Variants in AFF3 observed in about 807,000 individuals in gnomAD.
The protein encoded by AFF3 is AF4/FMR2 family member 3.
AFF3 carries 32 observed loss-of-function variants against 129.7 expected under a neutral mutation model. The ratio of observed to expected loss-of-function variants is 0.25; its 90% CI spans 0.19 to 0.33. The LOEUF (loss-of-function observed/expected upper bound fraction) is 0.33, where lower values mean the gene tolerates loss of function less well. AFF3 is among the 10% of genes least tolerant of loss of function. The probability of loss-of-function intolerance (pLI) is 1.00; values close to 1 mark genes in which losing one functional copy is unlikely to be tolerated. For synonymous variants in AFF3, 644 were observed against 635.4 expected (o/e 1.01, Z -0.20); for missense variants, 1,373 against 1,592.0 (o/e 0.86, Z 2.34).
At chr2:99,860,753 G>C (rs944641840) in intron 7 of AFF3, among the ~76,000 whole-genome samples, 11 of 151,852 alleles carry the variant, frequency 7.2e-5, no homozygotes, top group African/African-American at 2.4e-4. Flanking sequence ...TAAATTGACA[G>C]ATAAAAGTAG....
chr2:100,029,142 C>A (rs1368130283), intron 4 of AFF3, among the ~76,000 whole-genome samples: 1 of 152,180 alleles, frequency 6.6e-6, no homozygotes, highest in Non-Finnish European at 1.5e-5. Context: ...TATGTCCCCT[C>A]AAAAGCCATA....
chr2:100,056,063 TCACA>T lies in AFF3; in HGVS notation c.54-47135_54-47132del, dbSNP rs369771394. Among the ~76,000 whole-genome samples, 248 of 120,556 alleles carry T rather than the reference TCACA, an allele frequency of 2.1e-3. 2 individuals are homozygous for T. Among genetic ancestry groups the T allele is most frequent in the East Asian group, 0.011 (44 of 4,146 alleles). The allele number at this position is 120,556 out of a possible 152,430, so 79.1% of individuals were successfully genotyped here. ...AAAAAAAAAAATCGCTGTCTCTCTC[TCACA>T]CACACACACACACACACACACACAC... On this transcript the variant is annotated intron_variant, in intron 4 of 24. Coordinates refer to ENST00000672756, the MANE Select transcript of AFF3 (RefSeq NM_001386135.1).
At chr2:99,812,034 G>A (rs532786277) in intron 8 of AFF3, among the ~76,000 whole-genome samples, 3 of 152,334 alleles carry the variant, frequency 2.0e-5, no homozygotes, top group Non-Finnish European at 4.4e-5. Flanking sequence ...GGCCAGAAAT[G>A]TGCTCATTCT....
At chr2:99,660,291 T>C (rs1162875437) in intron 12 of AFF3, among the ~76,000 whole-genome samples, 2 of 152,260 alleles carry the variant, frequency 1.3e-5, no homozygotes, top group African/African-American at 2.4e-5. Flanking sequence ...AATGTTTTGG[T>C]ATTTTTGTTA....
intron 8 of AFF3, among the ~76,000 whole-genome samples, chr2:99,802,649 T>A (rs898778544): frequency 6.6e-6 from 1 of 151,094 alleles, no homozygotes; most frequent in Admixed American, 6.6e-5. Context: ...GCCAATAAAG[T>A]GAGACTCTGT....
intron 11 of AFF3, among the ~76,000 whole-genome samples, chr2:99,695,967 G>C (rs373284134): frequency 3.7e-5 from 2 of 54,756 alleles, no homozygotes; most frequent in East Asian, 5.6e-4. Context: ...AAAACCAAAA[G>C]AAAAAACCAA....
chr2:99,666,629 CA>C (rs1263735283), intron 12 of AFF3, among the ~76,000 whole-genome samples: 1 of 152,044 alleles, frequency 6.6e-6, no homozygotes, highest in Non-Finnish European at 1.5e-5. Context: ...AAAAATATGA[CA>C]ACTATTAATT....
chr2:100,100,815 TTA>T (rs1690669167), intron 4 of AFF3, among the ~76,000 whole-genome samples: 1 of 151,828 alleles, frequency 6.6e-6, no homozygotes, highest in African/African-American at 2.4e-5. Context: ...GAGGAATGGC[TTA>T]TATGTCTAGC....
chr2:99,868,016 CCTTTT>C (rs1000380818), intron 7 of AFF3, among the ~76,000 whole-genome samples: 1 of 136,166 alleles, frequency 7.3e-6, no homozygotes. Flanking sequence ...CTCTTTCTTT[CCTTTT>C]TTTTTTTTTT....
chr2:99,924,300 C>T (rs1696070259), intron 7 of AFF3, among the ~76,000 whole-genome samples: 1 of 152,148 alleles, frequency 6.6e-6, no homozygotes, highest in South Asian at 2.1e-4. Context: ...ATATCCTCTC[C>T]CTTCATCCAA....
At chr2:99,735,551 G>A (rs1032859329) in intron 10 of AFF3, among the ~76,000 whole-genome samples, 1 of 152,156 alleles carries the variant, frequency 6.6e-6, no homozygotes, top group Non-Finnish European at 1.5e-5. Flanking sequence ...GGAGTGCAGA[G>A]GTGAGATCTC....
intron 15 of AFF3, among the ~76,000 whole-genome samples, chr2:99,589,674 T>C (rs944403445): frequency 1.3e-5 from 2 of 152,012 alleles, no homozygotes; most frequent in Non-Finnish European, 2.9e-5. Context: ...GCTGTGATTA[T>C]AGGAGTAAGC....
chr2:99,551,478 G>A lies in AFF3; in HGVS notation c.3677C>T (p.Ser1226Leu). ...TCTGGCCCCAGGGTGAGGTCCCTAT[G>A]ACAGGTGGGCGCTGTTCCGCAGCCA... ...LHWLRNSAHL[S>L] Residue 1226 changes from serine to leucine, a missense_variant, in exon 25 of 25, where the codon TCA becomes TTA. Ser to Leu is a moderately radical substitution (Grantham distance 145). Transcript: ENST00000672756. 6.2e-7 allele frequency: 1 copy of A among 1,614,056 alleles called. No individual in the cohort carries two copies. Among genetic ancestry groups the A allele is most frequent in the South Asian group, 1.1e-5 (1 of 91,040 alleles).
chr2:99,748,912 C>T (rs1342682384), intron 9 of AFF3, among the ~76,000 whole-genome samples: 4 of 152,164 alleles, frequency 2.6e-5, no homozygotes, highest in Admixed American at 2.6e-4. Context: ...CTGGAAACCA[C>T]GATTCTCCTC....
chr2:100,009,489 C>T (rs1314359724), intron 4 of AFF3, among the ~76,000 whole-genome samples: 2 of 152,124 alleles, frequency 1.3e-5, no homozygotes, highest in Non-Finnish European at 2.9e-5. Context: ...ACTACTGAAT[C>T]AATTCTTCCT....
chr2:99,973,048 T>C (rs536050835), intron 7 of AFF3, among the ~76,000 whole-genome samples: 22 of 152,320 alleles, frequency 1.4e-4, no homozygotes, highest in Non-Finnish European at 2.8e-4. Context: ...ATATACTTGA[T>C]CTGATCAGAA....
intron 7 of AFF3, among the ~76,000 whole-genome samples, chr2:99,857,424 A>T (rs568017793): frequency 6.6e-6 from 1 of 152,376 alleles, no homozygotes; most frequent in South Asian, 2.1e-4. Context: ...AACATGTTTA[A>T]TACAATCATT....
rs1195281854 is a variant in AFF3 at position 99,547,892 on chromosome 2, G to C, written c.*3582C>G. 1.9e-5 allele frequency: 4 copies of C among 213,652 alleles called. No individual in the cohort carries two copies. Among genetic ancestry groups the C allele is most frequent in the Non-Finnish European group, 2.8e-5 (3 of 105,390 alleles). The allele number at this position is 213,652 out of a possible 1,614,324, so 13.2% of individuals were successfully genotyped here. A position where few individuals can be genotyped will look rare whatever the true frequency, so the allele number is the denominator to read the frequency against. On this transcript the variant is annotated 3_prime_UTR_variant, in exon 25 of 25. Transcript: ENST00000672756. ...AAGTTTTAGTGCAGAAAGTCTCATT[G>C]CATTGCATTCCATGTGTTCAATCTA...
rs754916714 is a variant in AFF3 at position 100,006,732 on chromosome 2, C to G, written c.773G>C (p.Ser258Thr). 3.0e-5 allele frequency: 49 copies of G among 1,614,116 alleles called. No homozygotes were observed. In the South Asian group the frequency reaches 4.5e-4, roughly 15 times the overall value. ...TCCCCTGTATGATGTGCAGTGCACG[C>G]TGGTTTCCGAAGACGACTTCAGCTT... ...SPKLKSSSETSVHCTSYRGVP... is the reference protein window; with the variant it reads ...SPKLKSSSETTVHCTSYRGVP... The change falls in exon 7 of 25, where the codon AGC becomes ACC. Residue 258 changes from serine (S) to threonine (T), a missense_variant. Transcript: ENST00000672756.
Sources: gnomAD v4.1 joint callset for allele counts (sites outside exome capture counted in the v4.1 genomes callset) on GRCh38, gnomAD v4.1.1 for gene constraint, MANE v1.5 for transcripts, NCBI Gene and HGNC (gene_info 2026-07-23, HGNC 2026-07-21) for gene names.